LHFPL6: variants seen among roughly 807,000 people sequenced by gnomAD.
LHFPL6 encodes LHFPL tetraspan subfamily member 6.
A neutral mutation model predicts 20.6 loss-of-function variants in LHFPL6; 9 were observed. The observed-to-expected ratio is 0.44, with a 90% CI of 0.26 to 0.76. The LOEUF is 0.76. LHFPL6 is among the 30% of genes least tolerant of loss of function. The pLI, the probability that LHFPL6 is intolerant of heterozygous loss-of-function variation, is 0.20. For synonymous variants in LHFPL6, 105 were observed against 98.7 expected, an observed-to-expected ratio of 1.06 and a Z score of -0.38; for missense variants, 218 against 253.5, an observed-to-expected ratio of 0.86 and a Z score of 0.95.
In LHFPL6 at chr13:39,363,777, C is replaced by G. The variant is rs769182990; in HGVS notation, c.484+14651G>C. On this transcript the variant is annotated intron_variant, in intron 3 of 3. Coordinates refer to ENST00000379589, the MANE Select transcript of LHFPL6 (RefSeq NM_005780.3). ...GCAGTCCTGACTCTTTGGGTACTTG[C>G]ACCACATAATTACCTGCCTGCTCTT... is the stretch of plus-strand genomic sequence containing the variant. Among the ~76,000 whole-genome samples the G allele has an allele frequency of 5.9e-5, 9 of 152,176 alleles. No individual in the cohort carries two copies. The South Asian group carries it at 1.9e-3, about 32-fold the overall frequency.
At chr13:39,539,224 A>G (rs1262626931) in intron 2 of LHFPL6, among the ~76,000 whole-genome samples, 1 of 152,190 alleles carries the variant, frequency 6.6e-6, no homozygotes, top group Non-Finnish European at 1.5e-5. Flanking sequence ...TGCATTTCGA[A>G]AAGCAGGAAC....
intron 2 of LHFPL6, among the ~76,000 whole-genome samples, chr13:39,444,257 TA>T (rs1872225296): frequency 6.6e-6 from 1 of 152,132 alleles, no homozygotes; most frequent in Non-Finnish European, 1.5e-5. Flanking sequence ...AGAAATGATA[TA>T]AAAATGGAAT....
chr13:39,344,139 T>C, intron 3 of LHFPL6, 85 bp from the exon 4 acceptor site: 7 of 1,014,634 alleles, frequency 6.9e-6, no homozygotes, highest in Non-Finnish European at 1.1e-5. Flanking sequence ...AGTGTGTGGG[T>C]TCTGAAACAC....
intron 2 of LHFPL6, among the ~76,000 whole-genome samples, chr13:39,434,234 C>A (rs543277280): frequency 1.9e-4 from 29 of 152,316 alleles, no homozygotes; most frequent in African/African-American, 7.0e-4. Context: ...CAGGCACTTT[C>A]CACATAGTCT....
chr13:39,490,740 A>G (rs542425347), intron 2 of LHFPL6, among the ~76,000 whole-genome samples: 1 of 152,354 alleles, frequency 6.6e-6, no homozygotes, highest in South Asian at 2.1e-4. Flanking sequence ...TTTGAAAAGT[A>G]AAGCTGGAGG....
chr13:39,448,727 TTTAATTTACTGATG>T (rs1320677336), intron 2 of LHFPL6, among the ~76,000 whole-genome samples: 2 of 152,222 alleles, frequency 1.3e-5, no homozygotes, highest in African/African-American at 2.4e-5. Context: ...GAAATACACT[TTTAATTTACTGATG>T]TTAATCCAAC....
At chr13:39,600,168 G>A (rs182038814) in intron 2 of LHFPL6, among the ~76,000 whole-genome samples, 135 of 152,326 alleles carry the variant, frequency 8.9e-4, no homozygotes, top group African/African-American at 3.0e-3. Context: ...GTCCATCTGG[G>A]ACAAGCACAC....
intron 2 of LHFPL6, among the ~76,000 whole-genome samples, chr13:39,402,283 G>A (rs1707392138): frequency 6.6e-6 from 1 of 152,074 alleles, no homozygotes. Flanking sequence ...GGAGTGCAGT[G>A]GCACAATCAT....
chr13:39,481,333 A>G (rs1263739265), intron 2 of LHFPL6, among the ~76,000 whole-genome samples: 1 of 152,224 alleles, frequency 6.6e-6, no homozygotes, highest in Non-Finnish European at 1.5e-5. Flanking sequence ...CCCTGAGTAC[A>G]GTGTGGTAAT....
intron 3 of LHFPL6, among the ~76,000 whole-genome samples, chr13:39,345,512 C>CAAAAAAAAAAA (rs71077225): frequency 0.032 from 1,378 of 43,318 alleles, 188 homozygotes; most frequent in Non-Finnish European, 0.045. Context: ...GACTCCATCT[C>CAAAAAAAAAAA]AAAAAAAAAA....
At chr13:39,451,534 G>A (rs189708138) in intron 2 of LHFPL6, among the ~76,000 whole-genome samples, 24 of 152,238 alleles carry the variant, frequency 1.6e-4, no homozygotes, top group Non-Finnish European at 8.8e-5. Context: ...AATCAAACTC[G>A]CACTATTGTT....
chr13:39,532,652 T>C (rs1870499836), intron 2 of LHFPL6, among the ~76,000 whole-genome samples: 1 of 152,174 alleles, frequency 6.6e-6, no homozygotes, highest in African/African-American at 2.4e-5. Flanking sequence ...ATAGATGAGA[T>C]ATAGTCATCC....
intron 2 of LHFPL6, among the ~76,000 whole-genome samples, chr13:39,420,768 C>T (rs1041986482): frequency 6.6e-6 from 1 of 152,158 alleles, no homozygotes; most frequent in Non-Finnish European, 1.5e-5. Context: ...AAAGAAGACC[C>T]TCATGGTATG....
At chr13:39,529,153 A>G (rs1333722854) in intron 2 of LHFPL6, among the ~76,000 whole-genome samples, 1 of 151,706 alleles carries the variant, frequency 6.6e-6, no homozygotes, top group African/African-American at 2.4e-5. Flanking sequence ...GTGCAGTGGC[A>G]TGATCTTGGC....
At chr13:39,438,460 A>C (rs1281608598) in intron 2 of LHFPL6, among the ~76,000 whole-genome samples, 1 of 152,262 alleles carries the variant, frequency 6.6e-6, no homozygotes, top group East Asian at 1.9e-4. Context: ...GTAGAAAAGA[A>C]AAGCCCATTT....
At chr13:39,442,480 A>G (rs1326328069) in intron 2 of LHFPL6, among the ~76,000 whole-genome samples, 1 of 152,282 alleles carries the variant, frequency 6.6e-6, no homozygotes, top group South Asian at 2.1e-4. Context: ...AAAACTTTGG[A>G]AAGTGCTAAA....
chr13:39,457,703 T>C (rs540915165), intron 2 of LHFPL6, among the ~76,000 whole-genome samples: 2 of 152,322 alleles, frequency 1.3e-5, no homozygotes, highest in South Asian at 4.1e-4. Flanking sequence ...CTTTTTAAGA[T>C]GAGGAAACTG....
chr13:39,363,825 AAAAGCTAT>A (rs1441465756), intron 3 of LHFPL6, among the ~76,000 whole-genome samples: 2 of 152,214 alleles, frequency 1.3e-5, no homozygotes, highest in Non-Finnish European at 2.9e-5. Flanking sequence ...ACCCAGAACA[AAAAGCTAT>A]AAAGTTATGG....
Position 39,586,884 on chromosome 13 carries a change from C to T in LHFPL6, c.385+13948G>A, listed in dbSNP as rs571517994. On this transcript the variant is annotated intron_variant, in intron 2 of 3. Transcript: ENST00000379589. ...ATAATCCTCAGCTTGGGGCCAGGCA[C>T]GGTGGCTCACGCCTGTAATCCTAGC... Among the ~76,000 whole-genome samples the T allele has an allele frequency of 7.2e-5, 11 of 152,280 alleles. No individual in the cohort carries two copies. In the East Asian group the frequency reaches 1.9e-3, roughly 27 times the overall value.
Sources: gnomAD v4.1 joint callset for allele counts (sites outside exome capture counted in the v4.1 genomes callset) on GRCh38, gnomAD v4.1.1 for gene constraint, MANE v1.5 for transcripts, NCBI Gene and HGNC (gene_info 2026-07-23, HGNC 2026-07-21) for gene names.